Variants in LSAMP observed in about 807,000 individuals in gnomAD.
LSAMP encodes the protein limbic system associated membrane protein, also known as limbic system-associated membrane protein.
Under a neutral mutation model 38.6 loss-of-function variants are expected in LSAMP, and 7 were observed. The ratio of observed to expected loss-of-function variants is 0.18; its 90% CI spans 0.10 to 0.34. The LOEUF (loss-of-function observed/expected upper bound fraction) is 0.34. LSAMP is among the 10% of genes least tolerant of loss of function. LSAMP has a pLI of 1.00. For synonymous variants in LSAMP, 154 were observed against 166.8 expected (o/e 0.92, Z 0.59); for missense variants, 313 against 420.0 (o/e 0.75, Z 2.23).
chr3:116,402,359 G>T (rs1196975394), intron 1 of LSAMP, among the ~76,000 whole-genome samples: 2 of 152,094 alleles, frequency 1.3e-5, no homozygotes, highest in Admixed American at 1.3e-4. Flanking sequence ...AACTGCTGAG[G>T]ATAGGCCTGG....
At chr3:116,328,462 C>A (rs1472775334) in intron 1 of LSAMP, among the ~76,000 whole-genome samples, 3 of 152,136 alleles carry the variant, frequency 2.0e-5, no homozygotes, top group African/African-American at 7.2e-5. Context: ...ACAAAAGAAA[C>A]TCAAATTAGA....
chr3:116,432,811 T>C (rs976492040), intron 1 of LSAMP, among the ~76,000 whole-genome samples: 3 of 152,126 alleles, frequency 2.0e-5, no homozygotes, highest in Admixed American at 1.3e-4. Flanking sequence ...TCAAGTAATA[T>C]CTTGTAGTCT....
At chr3:116,356,724 A>T (rs1032026901) in intron 1 of LSAMP, among the ~76,000 whole-genome samples, 1 of 152,222 alleles carries the variant, frequency 6.6e-6, no homozygotes, top group Non-Finnish European at 1.5e-5. Context: ...CCTACTATGT[A>T]TCCATAATCA....
chr3:116,177,624 A>T (rs1384939192), intron 1 of LSAMP, among the ~76,000 whole-genome samples: 1 of 152,220 alleles, frequency 6.6e-6, no homozygotes, highest in Non-Finnish European at 1.5e-5. Context: ...TTCTTTTAAA[A>T]TTATCCAAGG....
chr3:116,346,842 T>G (rs1362996636), intron 1 of LSAMP, among the ~76,000 whole-genome samples: 1 of 152,222 alleles, frequency 6.6e-6, no homozygotes, highest in East Asian at 1.9e-4. Context: ...AGTGGTCTTC[T>G]AACATATCAA....
intron 1 of LSAMP, among the ~76,000 whole-genome samples, chr3:116,420,381 AGCCATTGC>A (rs1486026211): frequency 7.2e-5 from 11 of 152,032 alleles, no homozygotes; most frequent in African/African-American, 2.2e-4. Context: ...TACAGGCCTG[AGCCATTGC>A]GCCCAGCCCA....
chr3:116,224,581 G>T (rs1576444550), intron 1 of LSAMP, among the ~76,000 whole-genome samples: 1 of 152,302 alleles, frequency 6.6e-6, no homozygotes, highest in South Asian at 2.1e-4. Context: ...TTCACAACGT[G>T]TTCACGTTCT....
chr3:116,420,733 C>T (rs555187587), intron 1 of LSAMP, among the ~76,000 whole-genome samples: 21 of 151,914 alleles, frequency 1.4e-4, no homozygotes, highest in East Asian at 9.8e-4. Flanking sequence ...AAATATTAGC[C>T]GGGCGTGGTG....
intron 1 of LSAMP, among the ~76,000 whole-genome samples, chr3:116,209,705 G>T (rs2046127242): frequency 6.6e-6 from 1 of 151,954 alleles, no homozygotes; most frequent in Non-Finnish European, 1.5e-5. Context: ...TTAGTCTAGG[G>T]TCTCTGATTG....
At chr3:116,345,790 A>G (rs777833750) in intron 1 of LSAMP, among the ~76,000 whole-genome samples, 4 of 152,198 alleles carry the variant, frequency 2.6e-5, no homozygotes, top group Non-Finnish European at 5.9e-5. Flanking sequence ...GTCGGTTGCT[A>G]GTTCAGCTAC....
chr3:116,441,674 T>C (rs947185559), intron 1 of LSAMP, among the ~76,000 whole-genome samples: 1 of 152,192 alleles, frequency 6.6e-6, no homozygotes, highest in Non-Finnish European at 1.5e-5. Context: ...ACTTATCCTG[T>C]AATTGAACTC....
At chr3:116,064,440 G>A (rs1243793762) in intron 2 of LSAMP, among the ~76,000 whole-genome samples, 1 of 151,578 alleles carries the variant, frequency 6.6e-6, no homozygotes, top group Non-Finnish European at 1.5e-5. Context: ...ACTTGAACCT[G>A]GGAAGCAGAA....
At chr3:115,840,253 CCTT>C (rs1169695046) in intron 6 of LSAMP, among the ~76,000 whole-genome samples, 4 of 152,178 alleles carry the variant, frequency 2.6e-5, no homozygotes, top group African/African-American at 4.8e-5. Context: ...CTCTATACAA[CCTT>C]CTTTTTAAGT....
intron 1 of LSAMP, among the ~76,000 whole-genome samples, chr3:116,269,578 T>TAACA (rs145472213): frequency 0.027 from 4,076 of 152,208 alleles, 156 homozygotes; most frequent in African/African-American, 0.088. Context: ...ATATTCAAGC[T>TAACA]AACATTGGGC....
intron 1 of LSAMP, among the ~76,000 whole-genome samples, chr3:116,282,879 G>GTTTCA (rs2047144715): frequency 6.6e-6 from 1 of 151,890 alleles, no homozygotes; most frequent in Non-Finnish European, 1.5e-5. Context: ...TGAAACTGCT[G>GTTTCA]TGCTCCTTGT....
chr3:115,979,036 T>A lies in LSAMP; in HGVS notation c.514+40479A>T, dbSNP rs372002099. ...AAAAAATCAATAAAACTGAGTTTTA[T>A]ATATTTAAGGCAGAGAGCTATGCAT... is the stretch of plus-strand genomic sequence containing the variant. On this transcript the variant is annotated intron_variant, in intron 3 of 6. Coordinates refer to ENST00000490035, the MANE Select transcript of LSAMP (RefSeq NM_002338.5). Among the ~76,000 whole-genome samples, 11 of 152,234 alleles carry A rather than the reference T, an allele frequency of 7.2e-5. No individual in the cohort carries two copies. In the South Asian group the frequency reaches 1.2e-3, roughly 17 times the overall value.
chr3:116,259,737 G>C (rs932463153), intron 1 of LSAMP, among the ~76,000 whole-genome samples: 1 of 152,064 alleles, frequency 6.6e-6, no homozygotes, highest in Non-Finnish European at 1.5e-5. Flanking sequence ...TATTGGTTGA[G>C]TGTACAAGTG....
At chr3:116,343,972 T>C (rs1053507563) in intron 1 of LSAMP, among the ~76,000 whole-genome samples, 1 of 152,110 alleles carries the variant, frequency 6.6e-6, no homozygotes, top group Non-Finnish European at 1.5e-5. Context: ...GGATAATATA[T>C]GAAAATCTCC....
chr3:116,098,490 G>T (rs148579733), intron 1 of LSAMP, among the ~76,000 whole-genome samples: 113 of 152,196 alleles, frequency 7.4e-4, no homozygotes, highest in Middle Eastern at 6.8e-3. Context: ...GCAAAACTCC[G>T]TCTCAAAAAT....
Sources: allele counts gnomAD v4.1 joint callset (sites outside exome capture counted in the v4.1 genomes callset), GRCh38; gene constraint gnomAD v4.1.1; transcripts MANE v1.5; gene names NCBI Gene and HGNC (gene_info 2026-07-23, HGNC 2026-07-21).